CSMD1: variants seen among roughly 807,000 people sequenced by gnomAD.
CSMD1 encodes the protein CUB and Sushi multiple domains 1.
A neutral mutation model predicts 417.5 loss-of-function variants in CSMD1; 213 were observed. That is an observed-to-expected ratio of 0.51 (90% CI 0.46 to 0.57). The LOEUF is 0.57. CSMD1 is among the 20% of genes least tolerant of loss of function. The pLI is 0.00. For missense variants in CSMD1, 6,923 were observed against 4,529.7 expected (o/e 1.53, Z -15.17); for synonymous variants, 2,862 against 1,736.8 (o/e 1.65, Z -16.11).
intron 3 of CSMD1, among the ~76,000 whole-genome samples, chr8:4,067,482 ACTT>A (rs796565947): frequency 1.9e-4 from 29 of 151,370 alleles, no homozygotes; most frequent in South Asian, 4.2e-4. Context: ...GAAATAAATT[ACTT>A]TTTTTTTTAA....
At chr8:3,555,028 T>C (rs1264334538) in intron 10 of CSMD1, among the ~76,000 whole-genome samples, 1 of 152,018 alleles carries the variant, frequency 6.6e-6, no homozygotes, top group South Asian at 2.1e-4. Flanking sequence ...AAGAAGACTG[T>C]GCGTGAGGAG....
chr8:3,573,801 G>T (rs1271110131), intron 10 of CSMD1, among the ~76,000 whole-genome samples: 5 of 151,288 alleles, frequency 3.3e-5, no homozygotes, highest in African/African-American at 1.2e-4. Context: ...GTGGGGTTCA[G>T]TAAATTTAAT....
chr8:3,046,632 G>T (rs1380697148), intron 50 of CSMD1, among the ~76,000 whole-genome samples: 1 of 152,058 alleles, frequency 6.6e-6, no homozygotes, highest in Non-Finnish European at 1.5e-5. Flanking sequence ...CCCCAGGCAG[G>T]CCTTGGCAGC....
At chr8:3,416,740 C>G (rs879797817) in intron 12 of CSMD1, among the ~76,000 whole-genome samples, 5 of 152,086 alleles carry the variant, frequency 3.3e-5, no homozygotes, top group Admixed American at 6.5e-5. Context: ...TACATGGACA[C>G]AAGACAGCTA....
chr8:3,933,273 A>C (rs1277450349), intron 5 of CSMD1, among the ~76,000 whole-genome samples: 1 of 152,214 alleles, frequency 6.6e-6, no homozygotes, highest in Non-Finnish European at 1.5e-5. Context: ...CTAATCTAAA[A>C]TATTTTGCTT....
At chr8:4,664,861 A>G (rs938631195) in intron 1 of CSMD1, among the ~76,000 whole-genome samples, 1 of 152,228 alleles carries the variant, frequency 6.6e-6, no homozygotes, top group African/African-American at 2.4e-5. Context: ...TCCAAACTTT[A>G]TAAAACACAA....
At chr8:3,224,511 A>G (rs1025419762) in intron 27 of CSMD1, among the ~76,000 whole-genome samples, 1 of 152,212 alleles carries the variant, frequency 6.6e-6, no homozygotes, top group African/African-American at 2.4e-5. Context: ...CCCATATTTC[A>G]AAGTGGCAAA....
At chr8:4,373,596 G>C (rs1283183940) in intron 3 of CSMD1, among the ~76,000 whole-genome samples, 2 of 152,050 alleles carry the variant, frequency 1.3e-5, no homozygotes, top group African/African-American at 4.8e-5. Context: ...ATTTTCCTAT[G>C]TGCGATGGTG....
intron 43 of CSMD1, 32 bp from the exon 44 acceptor site, chr8:3,108,780 G>A (rs1435765777): frequency 6.3e-7 from 1 of 1,576,944 alleles, no homozygotes; most frequent in Non-Finnish European, 8.6e-7. Flanking sequence ...GGCTGGCTAA[G>A]GATATTTACT....
At chr8:4,594,556 T>C (rs1255669795) in intron 2 of CSMD1, among the ~76,000 whole-genome samples, 1 of 152,158 alleles carries the variant, frequency 6.6e-6, no homozygotes. Context: ...TTTAGGAATT[T>C]GATGTGTGCG....
chr8:4,236,035 GTTTGTTTTTTTTTTTTTTTTT>G (rs1563316567), intron 3 of CSMD1, among the ~76,000 whole-genome samples: 1,629 of 112,580 alleles, frequency 0.014, 49 homozygotes, highest in East Asian at 0.019. Context: ...TGTTTTTTTT[GTTTGTTTTTTTTTTTTTTTTT>G]TTTTTTTTTT....
chr8:3,424,215 T>C (rs1007854659), intron 12 of CSMD1, among the ~76,000 whole-genome samples: 2 of 152,232 alleles, frequency 1.3e-5, no homozygotes, highest in African/African-American at 4.8e-5. Flanking sequence ...AGCTCATTTG[T>C]ATCTAAGAGC....
chr8:3,595,671 C>T (rs886319216), intron 8 of CSMD1, among the ~76,000 whole-genome samples: 1 of 152,186 alleles, frequency 6.6e-6, no homozygotes, highest in Non-Finnish European at 1.5e-5. Flanking sequence ...TCAGAAGCAC[C>T]GCATTGACAA....
At chr8:4,538,938 G>T (rs1181439659) in intron 2 of CSMD1, among the ~76,000 whole-genome samples, 1 of 152,112 alleles carries the variant, frequency 6.6e-6, no homozygotes, top group African/African-American at 2.4e-5. Flanking sequence ...AATGCAGAAA[G>T]CTTTATTTTT....
chr8:3,507,690 T>G (rs573591859), intron 10 of CSMD1, among the ~76,000 whole-genome samples: 1 of 152,210 alleles, frequency 6.6e-6, no homozygotes, highest in Admixed American at 6.5e-5. Flanking sequence ...TTTTAATGAT[T>G]GCCATTCTAA....
chr8:4,101,927 G>A (rs1469421941), intron 3 of CSMD1, among the ~76,000 whole-genome samples: 1 of 152,122 alleles, frequency 6.6e-6, no homozygotes, highest in African/African-American at 2.4e-5. Context: ...TTTCCCAGTG[G>A]ACTTGCTGTT....
intron 62 of CSMD1, among the ~76,000 whole-genome samples, 180 bp downstream of exon 62, chr8:2,960,961 T>TATATATATATATAC (rs1408815262): frequency 0.01 from 1,317 of 130,710 alleles, 20 homozygotes; most frequent in East Asian, 0.036. Context: ...TATATATATA[T>TATATATATATATAC]ATATACATAT....
intron 54 of CSMD1, 27 bp downstream of exon 54, chr8:2,997,984 G>A (rs983927321): frequency 2.2e-5 from 35 of 1,604,762 alleles, no homozygotes; most frequent in Non-Finnish European, 2.8e-5. Flanking sequence ...TCAGAGCAAA[G>A]GGCTCATTCC....
intron 51 of CSMD1, among the ~76,000 whole-genome samples, chr8:3,025,930 T>A (rs1809837201): frequency 6.6e-6 from 1 of 152,184 alleles, no homozygotes; most frequent in Non-Finnish European, 1.5e-5. Flanking sequence ...TTTTAATGTA[T>A]GATATAGTTA....
Sources: allele counts gnomAD v4.1 joint callset (sites outside exome capture counted in the v4.1 genomes callset), GRCh38; gene constraint gnomAD v4.1.1; transcripts MANE v1.5; gene names NCBI Gene and HGNC (gene_info 2026-07-23, HGNC 2026-07-21).